Variants in MYO9A observed in about 807,000 individuals in gnomAD.
MYO9A encodes the protein unconventional myosin-IXa.
MYO9A carries 103 observed loss-of-function variants against 293.3 expected under a neutral mutation model. The observed-to-expected ratio is 0.35, with a 90% CI of 0.30 to 0.41. The LOEUF (loss-of-function observed/expected upper bound fraction) is 0.41. Among genes scored for constraint, MYO9A ranks in the 10% least tolerant of loss-of-function variants. MYO9A has a pLI of 1.00. For synonymous variants in MYO9A, 1,001 were observed against 1,035.7 expected (o/e 0.97, Z 0.64); for missense variants, 2,685 against 3,033.0 (o/e 0.89, Z 2.69).
intron 11 of MYO9A, 63 bp from the exon 12 acceptor site, chr15:71,978,355 A>G: frequency 7.2e-7 from 1 of 1,392,000 alleles, no homozygotes; most frequent in Non-Finnish European, 9.8e-7. Flanking sequence ...TATATAATAT[A>G]GATTGAAAAG....
At chr15:72,018,103 T>A (rs562087500) in intron 6 of MYO9A, among the ~76,000 whole-genome samples, 2 of 152,092 alleles carry the variant, frequency 1.3e-5, no homozygotes, top group East Asian at 1.9e-4. Context: ...ATATAATTTT[T>A]AAAAAATTAA....
chr15:71,943,732 T>G (rs942511066), intron 15 of MYO9A, among the ~76,000 whole-genome samples: 2 of 152,114 alleles, frequency 1.3e-5, no homozygotes, highest in Non-Finnish European at 2.9e-5. Flanking sequence ...TAACTTGCTC[T>G]CCACACAGAT....
chr15:71,848,800 C>A (rs770377707), intron 39 of MYO9A, 45 bp downstream of exon 39: 1 of 1,564,322 alleles, frequency 6.4e-7, no homozygotes, highest in African/African-American at 1.4e-5. Context: ...TTTAAATTCC[C>A]AAGACAACTC....
chr15:71,929,201 T>C (rs1239394339), intron 18 of MYO9A, among the ~76,000 whole-genome samples: 3 of 152,170 alleles, frequency 2.0e-5, no homozygotes, highest in African/African-American at 7.2e-5. Flanking sequence ...GTCTTGAGGA[T>C]TTTCTATATA....
In MYO9A at chr15:71,848,775, C is replaced by T. The variant is rs2141241383; in HGVS notation, c.6837+70G>A. On this transcript the variant is annotated intron_variant, in intron 39 of 41. Transcript: ENST00000356056. ...AGATTCTGATAATAATCCTTGTATA[C>T]ACCACAAAAGCACATTTAAATTCCC... is the stretch of plus-strand genomic sequence containing the variant. The T allele has an allele frequency of 3.3e-6, 5 of 1,515,434 alleles. No individual in the cohort carries two copies. In the African/African-American group the frequency reaches 4.2e-5, roughly 13 times the overall value. The allele number at this position is 1,515,434 out of a possible 1,614,324, so 93.9% of individuals were successfully genotyped here.
chr15:71,989,026 C>T (rs918890276), intron 11 of MYO9A, among the ~76,000 whole-genome samples: 7 of 152,098 alleles, frequency 4.6e-5, no homozygotes, highest in African/African-American at 1.4e-4. Flanking sequence ...TCCTTAGTAG[C>T]TGGGATTACA....
Position 71,853,588 on chromosome 15 carries a change from A to G in MYO9A, c.6346+789T>C, listed in dbSNP as rs2055745170. On this transcript the variant is annotated intron_variant, in intron 35 of 41. Transcript: ENST00000356056. ...CATTTCTCATTGATTTGTTCATAAG[A>G]AACAGCACTGAACACAGGTTCTTGC... 2.0e-5 allele frequency among the ~76,000 whole-genome samples: 3 copies of G among 152,210 alleles called. 1 individual carries two copies. The South Asian group carries it at 6.2e-4, about 32-fold the overall frequency.
chr15:71,836,075 A>G (rs2054928806), intron 39 of MYO9A, among the ~76,000 whole-genome samples: 1 of 152,104 alleles, frequency 6.6e-6, no homozygotes, highest in Non-Finnish European at 1.5e-5. Flanking sequence ...TGTTCATCAA[A>G]AAAGAAAGGA....
At chr15:72,077,750 AAAATATATATATATAT>A (rs1351191006) in intron 1 of MYO9A, among the ~76,000 whole-genome samples, 2 of 45,876 alleles carry the variant, frequency 4.4e-5, no homozygotes, top group Non-Finnish European at 8.3e-5. Context: ...AAAAAAAAAA[AAAATATATATATATAT>A]ATATATATAT....
chr15:72,019,775 A>C (rs146558476), intron 5 of MYO9A, among the ~76,000 whole-genome samples: 5 of 152,252 alleles, frequency 3.3e-5, no homozygotes, highest in African/African-American at 1.2e-4. Context: ...TTTGAGACGG[A>C]GTCTCGCTCT....
chr15:71,990,948 T>G (rs2076528773), intron 11 of MYO9A, among the ~76,000 whole-genome samples, 155 bp downstream of exon 11: 1 of 152,212 alleles, frequency 6.6e-6, no homozygotes, highest in Non-Finnish European at 1.5e-5. Flanking sequence ...GCCAATTTAC[T>G]TCGGTTATTC....
chr15:71,930,244 T>C (rs1305838674), intron 18 of MYO9A, among the ~76,000 whole-genome samples: 1 of 152,178 alleles, frequency 6.6e-6, no homozygotes. Context: ...TCAAATCCAT[T>C]GTTTCCTTAT....
intron 32 of MYO9A, among the ~76,000 whole-genome samples, chr15:71,863,641 G>A (rs1596057875): frequency 6.6e-6 from 1 of 152,132 alleles, no homozygotes; most frequent in South Asian, 2.1e-4. Flanking sequence ...AGTGGAAAAT[G>A]AAGGAATATA....
At chr15:71,889,592 A>G (rs992422422) in intron 26 of MYO9A, 2 of 152,006 alleles carry the variant, frequency 1.3e-5, no homozygotes, top group Admixed American at 6.6e-5. Context: ...AGTAGCTGGG[A>G]CTACAGGCAC....
At chr15:71,994,204 T>C (rs1413968433) in intron 10 of MYO9A, among the ~76,000 whole-genome samples, 2 of 152,156 alleles carry the variant, frequency 1.3e-5, no homozygotes, top group Non-Finnish European at 2.9e-5. Context: ...CATATATTTA[T>C]GTTTGAAAGA....
intron 33 of MYO9A, among the ~76,000 whole-genome samples, chr15:71,862,180 C>T (rs993469817): frequency 6.6e-6 from 1 of 152,002 alleles, no homozygotes; most frequent in African/African-American, 2.4e-5. Context: ...GGCATTTAAA[C>T]TGGGGGTAGA....
intron 26 of MYO9A, chr15:71,892,814 A>C (rs1019022121): frequency 4.6e-5 from 16 of 346,212 alleles, no homozygotes; most frequent in Non-Finnish European, 6.7e-5. Context: ...GAGTTCTATT[A>C]AATTAAGGTT....
At chr15:71,870,887 G>A (rs2056490000) in intron 32 of MYO9A, among the ~76,000 whole-genome samples, 1 of 152,116 alleles carries the variant, frequency 6.6e-6, no homozygotes, top group Non-Finnish European at 1.5e-5. Flanking sequence ...CCATGGATGT[G>A]CTGGGCCAAC....
chr15:71,889,156 AAGAT>A (rs1049433955), intron 26 of MYO9A, among the ~76,000 whole-genome samples: 40 of 152,160 alleles, frequency 2.6e-4, no homozygotes, highest in African/African-American at 7.7e-4. Context: ...GAGAAGCACA[AAGAT>A]AGAACTCTAG....
Sources: gnomAD v4.1 joint callset for allele counts (sites outside exome capture counted in the v4.1 genomes callset) on GRCh38, gnomAD v4.1.1 for gene constraint, MANE v1.5 for transcripts, NCBI Gene and HGNC (gene_info 2026-07-23, HGNC 2026-07-21) for gene names.